Variants in KATNAL2 observed in about 807,000 individuals in gnomAD.
KATNAL2 encodes the protein katanin p60 ATPase-containing subunit A-like 2.
A neutral mutation model predicts 76.3 loss-of-function variants in KATNAL2; 52 were observed. The ratio of observed to expected loss-of-function variants is 0.68; its 90% CI spans 0.55 to 0.86. The LOEUF (loss-of-function observed/expected upper bound fraction) is 0.86. KATNAL2 is among the 40% of genes least tolerant of loss of function. KATNAL2 has a pLI of 0.00. For missense variants in KATNAL2, 660 were observed against 668.9 expected (o/e 0.99, Z 0.15); for synonymous variants, 243 against 244.2 (o/e 1.00, Z 0.05).
In KATNAL2 at chr18:47,067,057, G is replaced by C; in HGVS notation, c.763G>C (p.Asp255His). 6.3e-7 allele frequency: 1 copy of C among 1,589,890 alleles called. No homozygotes were observed. The highest frequency in any genetic ancestry group is 8.6e-7 in the Non-Finnish European group (1 of 1,163,770). ...YLHNPNIKWN[D>H]IIGLDAAKQL... Reference sequence around the variant, plus strand: ...CCATAATCCAAACATAAAGTGGAATGACATTATTGGACTTGATGCAGCCAA... The same window carrying C: ...CCATAATCCAAACATAAAGTGGAATCACATTATTGGACTTGATGCAGCCAA... Residue 255 changes from aspartate to histidine, a missense_variant, in exon 11 of 18, where the codon GAC (aspartate) becomes CAC (histidine). By Grantham distance (81) the Asp-to-His change is moderately conservative (BLOSUM62 -1). Transcript: ENST00000683218.
At chr18:47,084,957 C>T (rs1041919385) in intron 15 of KATNAL2, among the ~76,000 whole-genome samples, 2 of 151,776 alleles carry the variant, frequency 1.3e-5, no homozygotes, top group Non-Finnish European at 2.9e-5. Flanking sequence ...CGTCTCCCTC[C>T]CCTTCAGATA....
chr18:47,071,172 G>C (rs1355077161), intron 13 of KATNAL2, among the ~76,000 whole-genome samples: 1 of 152,124 alleles, frequency 6.6e-6, no homozygotes, highest in Non-Finnish European at 1.5e-5. Context: ...GCTAATTTTT[G>C]TATTTTTTGT....
chr18:47,078,883 C>T (rs1395588956), intron 15 of KATNAL2, among the ~76,000 whole-genome samples: 1 of 152,290 alleles, frequency 6.6e-6, no homozygotes, highest in Non-Finnish European at 1.5e-5. Flanking sequence ...ATTTGCTTCT[C>T]AATGTGTCAG....
chr18:47,079,023 TAAGGA>T (rs1486032342), intron 15 of KATNAL2, among the ~76,000 whole-genome samples: 3 of 152,012 alleles, frequency 2.0e-5, no homozygotes, highest in African/African-American at 7.2e-5. Flanking sequence ...CCAAAAACAC[TAAGGA>T]AAGGAAAAAA....
intron 1 of KATNAL2, among the ~76,000 whole-genome samples, chr18:46,933,436 G>T (rs988151654): frequency 1.8e-4 from 27 of 152,062 alleles, no homozygotes; most frequent in Non-Finnish European, 3.1e-4. Flanking sequence ...TTAATATGAG[G>T]CCCCATAGGG....
intron 10 of KATNAL2, among the ~76,000 whole-genome samples, chr18:47,065,803 A>G (rs961209561): frequency 6.7e-6 from 1 of 150,230 alleles, no homozygotes; most frequent in Non-Finnish European, 1.5e-5. Flanking sequence ...ACATAGTGAG[A>G]CTCCGTGTCT....
chr18:47,033,623 C>T, intron 3 of KATNAL2: 2 of 1,614,204 alleles, frequency 1.2e-6, no homozygotes, highest in Non-Finnish European at 1.7e-6. Context: ...GGGACCTCTC[C>T]CACGTCGCTG....
At chr18:47,100,207 G>C (rs778570538) in intron 16 of KATNAL2, 47 bp from the exon 17 acceptor site, 1 of 1,376,186 alleles carries the variant, frequency 7.3e-7, no homozygotes, top group Non-Finnish European at 1.0e-6. Context: ...GTAATGGCCA[G>C]GAGCATTCTG....
chr18:46,940,029 G>T (rs1425534747), intron 1 of KATNAL2, among the ~76,000 whole-genome samples: 1 of 152,200 alleles, frequency 6.6e-6, no homozygotes, highest in African/African-American at 2.4e-5. Context: ...TCCACTCCTT[G>T]TCTCATTTAA....
At chr18:47,088,482 C>T (rs2062867199) in intron 15 of KATNAL2, among the ~76,000 whole-genome samples, 1 of 152,186 alleles carries the variant, frequency 6.6e-6, no homozygotes, top group South Asian at 2.1e-4. Context: ...TTTACACTCT[C>T]TATCAGGGGA....
At chr18:47,080,680 C>T (rs945675258) in intron 15 of KATNAL2, among the ~76,000 whole-genome samples, 6 of 152,170 alleles carry the variant, frequency 3.9e-5, no homozygotes, top group Middle Eastern at 3.2e-3. Context: ...ATGAGGGTTC[C>T]GATTTCTCCA....
At chr18:47,038,749 G>A (rs567037016) in intron 3 of KATNAL2, among the ~76,000 whole-genome samples, 12 of 152,170 alleles carry the variant, frequency 7.9e-5, no homozygotes, top group South Asian at 4.2e-4. Flanking sequence ...GCTTATTTTT[G>A]TACCAAAAAA....
intron 15 of KATNAL2, among the ~76,000 whole-genome samples, chr18:47,093,492 T>TTGTGTG (rs60759719): frequency 6.7e-6 from 1 of 150,176 alleles, no homozygotes; most frequent in Admixed American, 6.6e-5. Context: ...CATTTCGAAT[T>TTGTGTG]TGTGTGTGTG....
rs1203545817 is a variant in KATNAL2 at position 47,034,368 on chromosome 18, C to G, written c.52-12089C>G. On this transcript the variant is annotated intron_variant, in intron 3 of 17. Transcript: ENST00000683218. ...GCCTCTTCTGGTGACTGTCTGGAGC[C>G]TCCTCCAAGGCAGGGACACGCTGGC... 2 of 1,614,056 alleles carry G rather than the reference C, an allele frequency of 1.2e-6. No individual in the cohort carries two copies. The highest frequency in any genetic ancestry group is 1.7e-6 in the Non-Finnish European group (2 of 1,180,008).
chr18:47,036,028 G>A (rs1299791861), intron 3 of KATNAL2, among the ~76,000 whole-genome samples: 1 of 152,146 alleles, frequency 6.6e-6, no homozygotes, highest in Non-Finnish European at 1.5e-5. Context: ...ACAGTAGTTC[G>A]AGCACTGTCT....
chr18:46,936,133 T>TTACC (rs558277256), intron 1 of KATNAL2, among the ~76,000 whole-genome samples: 33 of 152,316 alleles, frequency 2.2e-4, no homozygotes, highest in African/African-American at 7.7e-4. Context: ...GTGGAACATT[T>TTACC]TACCATACCT....
chr18:46,918,546 C>G (rs1448383057), intron 1 of KATNAL2, among the ~76,000 whole-genome samples: 1 of 152,124 alleles, frequency 6.6e-6, no homozygotes, highest in Non-Finnish European at 1.5e-5. Context: ...TGTCTGCCTC[C>G]CGGGTTCAAG....
chr18:47,035,039 G>C (rs1239565290), intron 3 of KATNAL2: 3 of 1,611,878 alleles, frequency 1.9e-6, no homozygotes, highest in East Asian at 4.5e-5. Context: ...ACGAGCACCA[G>C]CTTCTTCCAC....
intron 3 of KATNAL2, among the ~76,000 whole-genome samples, chr18:46,956,594 T>C (rs1208290578): frequency 6.6e-6 from 1 of 151,840 alleles, no homozygotes. Context: ...TTTGAATGTT[T>C]ACTGGTTGCT....
Sources: gnomAD v4.1 joint callset for allele counts (sites outside exome capture counted in the v4.1 genomes callset) on GRCh38, gnomAD v4.1.1 for gene constraint, MANE v1.5 for transcripts, NCBI Gene and HGNC (gene_info 2026-07-23, HGNC 2026-07-21) for gene names.